The following AUTS2 variants were observed in gnomAD, a reference collection of about 807,000 sequenced individuals.
AUTS2 encodes the protein autism susceptibility gene 2 protein.
In AUTS2, 17 loss-of-function variants were observed where a neutral mutation model predicts 112.4. The observed-to-expected ratio is 0.15, with a 90% confidence interval of 0.10 to 0.23. AUTS2 has a LOEUF of 0.23. Among genes scored for constraint, AUTS2 ranks in the 10% least tolerant of loss-of-function variants. AUTS2 has a pLI of 1.00. For synonymous variants in AUTS2, 751 were observed against 702.7 expected (o/e 1.07, Z -1.09); for missense variants, 1,510 against 1,701.6 (o/e 0.89, Z 1.98).
intron 4 of AUTS2, among the ~76,000 whole-genome samples, chr7:70,176,972 T>A (rs2129579985): frequency 6.6e-6 from 1 of 152,326 alleles, no homozygotes; most frequent in South Asian, 2.1e-4. Flanking sequence ...GTAAAAAGTA[T>A]ATTAGCAAGT....
At chr7:70,761,988 G>C (rs1487039187) in intron 6 of AUTS2, among the ~76,000 whole-genome samples, 1 of 152,112 alleles carries the variant, frequency 6.6e-6, no homozygotes, top group African/African-American at 2.4e-5. Context: ...TCAGGTGACG[G>C]GCATTAAGAG....
At chr7:70,055,495 C>A (rs187237386) in intron 2 of AUTS2, among the ~76,000 whole-genome samples, 31 of 152,248 alleles carry the variant, frequency 2.0e-4, no homozygotes, top group African/African-American at 6.0e-4. Context: ...AATGACTACC[C>A]ATCTGTAAGA....
At chr7:70,610,977 T>A (rs1261329861) in intron 5 of AUTS2, among the ~76,000 whole-genome samples, 1 of 152,232 alleles carries the variant, frequency 6.6e-6, no homozygotes, top group Non-Finnish European at 1.5e-5. Context: ...ATGCCAAAGA[T>A]TTTTTAGTTT....
chr7:69,833,475 G>T (rs982634502), intron 1 of AUTS2, among the ~76,000 whole-genome samples: 2 of 151,836 alleles, frequency 1.3e-5, no homozygotes, highest in African/African-American at 4.8e-5. Context: ...TCACTCTGTT[G>T]CCCAGGCTGG....
intron 1 of AUTS2, among the ~76,000 whole-genome samples, chr7:69,824,009 G>T (rs955361123): frequency 3.9e-5 from 6 of 152,132 alleles, no homozygotes; most frequent in Admixed American, 3.9e-4. Context: ...ATAAAATAGG[G>T]TTAGTAATAA....
At chr7:69,717,071 A>G (rs1042619672) in intron 1 of AUTS2, among the ~76,000 whole-genome samples, 2 of 152,092 alleles carry the variant, frequency 1.3e-5, no homozygotes, top group Non-Finnish European at 2.9e-5. Context: ...GATCGATTAC[A>G]TCCTTAGCCA....
chr7:70,129,140 A>C (rs905596094), intron 3 of AUTS2, among the ~76,000 whole-genome samples: 1 of 151,908 alleles, frequency 6.6e-6, no homozygotes, highest in African/African-American at 2.4e-5. Flanking sequence ...GACAAGTCCC[A>C]AGATCTACAA....
At chr7:69,615,738 G>A (rs1490258816) in intron 1 of AUTS2, among the ~76,000 whole-genome samples, 1 of 152,180 alleles carries the variant, frequency 6.6e-6, no homozygotes, top group Non-Finnish European at 1.5e-5. Flanking sequence ...AAATTACATT[G>A]TTGAAATACA....
intron 6 of AUTS2, among the ~76,000 whole-genome samples, chr7:70,713,324 A>C (rs1222949605): frequency 2.0e-5 from 3 of 152,228 alleles, no homozygotes; most frequent in Non-Finnish European, 4.4e-5. Flanking sequence ...ATTCTGTTTT[A>C]AACTGCTTTA....
intron 4 of AUTS2, among the ~76,000 whole-genome samples, chr7:70,186,847 G>A (rs1809633062): frequency 6.6e-6 from 1 of 152,164 alleles, no homozygotes; most frequent in Non-Finnish European, 1.5e-5. Flanking sequence ...GGCATTATAG[G>A]CATGAGCCAC....
chr7:70,402,079 G>A (rs760599095), intron 4 of AUTS2, among the ~76,000 whole-genome samples: 1 of 152,248 alleles, frequency 6.6e-6, no homozygotes, highest in Non-Finnish European at 1.5e-5. Context: ...TCCCCGCAAA[G>A]TTCCAGACAT....
intron 1 of AUTS2, among the ~76,000 whole-genome samples, chr7:69,621,611 T>C (rs1793667092): frequency 6.6e-6 from 1 of 152,192 alleles, no homozygotes; most frequent in South Asian, 2.1e-4. Flanking sequence ...ATTAAAAATA[T>C]TTTAAACTAA....
At chr7:70,763,554 G>GTAAAGAAGTAAAATATTTA (rs757304439) in intron 7 of AUTS2, among the ~76,000 whole-genome samples, 289 of 152,234 alleles carry the variant, frequency 1.9e-3, no homozygotes, top group Non-Finnish European at 3.4e-3. Flanking sequence ...TGAGGACATT[G>GTAAAGAAGTAAAATATTTA]TAAAGAAGTA....
chr7:70,253,857 A>G (rs1786724888), intron 4 of AUTS2, among the ~76,000 whole-genome samples: 1 of 151,928 alleles, frequency 6.6e-6, no homozygotes, highest in Non-Finnish European at 1.5e-5. Context: ...CTGAATGTGT[A>G]GTAGGTCTTT....
At chr7:70,594,414 T>C (rs1460938158) in intron 5 of AUTS2, among the ~76,000 whole-genome samples, 1 of 152,218 alleles carries the variant, frequency 6.6e-6, no homozygotes, top group Non-Finnish European at 1.5e-5. Flanking sequence ...TCTGGGTTCC[T>C]GGATGCTGCT....
intron 4 of AUTS2, among the ~76,000 whole-genome samples, chr7:70,197,382 C>G: frequency 6.6e-6 from 1 of 151,502 alleles, no homozygotes; most frequent in Non-Finnish European, 1.5e-5. Flanking sequence ...CAGCTCCCAG[C>G]GTGAGCGACG....
rs190877629 is a variant in AUTS2 at position 70,470,044 on chromosome 7, C to T, written c.690+34263C>T. Among the ~76,000 whole-genome samples the T allele has an allele frequency of 1.5e-4, 23 of 152,208 alleles. No individual in the cohort carries two copies. In the East Asian group the frequency reaches 4.1e-3, roughly 27 times the overall value. ...ACACATGGCTTAGCAATGGTAGATG[C>T]GAGAAAGGCCTAGAAATTTTAGTAA... is the stretch of plus-strand genomic sequence containing the variant. On this transcript the variant is annotated intron_variant, in intron 5 of 18. Coordinates refer to ENST00000342771, the MANE Select transcript of AUTS2 (RefSeq NM_015570.4).
intron 4 of AUTS2, among the ~76,000 whole-genome samples, chr7:70,388,585 T>C (rs1793714921): frequency 6.6e-6 from 1 of 152,244 alleles, no homozygotes; most frequent in African/African-American, 2.4e-5. Context: ...AAACCTGCCA[T>C]CATCTTCATA....
intron 1 of AUTS2, among the ~76,000 whole-genome samples, chr7:69,811,551 A>T (rs1439968767): frequency 6.6e-6 from 1 of 152,004 alleles, no homozygotes; most frequent in Non-Finnish European, 1.5e-5. Context: ...GTCCATAATA[A>T]TTATCCTCCA....
Sources: allele counts gnomAD v4.1 joint callset (sites outside exome capture counted in the v4.1 genomes callset), GRCh38; gene constraint gnomAD v4.1.1; transcripts MANE v1.5; gene names NCBI Gene and HGNC (gene_info 2026-07-23, HGNC 2026-07-21).